Variants in FER1L5 observed in about 807,000 individuals in gnomAD.
The protein encoded by FER1L5 is fer-1 like family member 5, also known as fer-1-like protein 5.
FER1L5 carries 187 observed loss-of-function variants against 279.9 expected under a neutral mutation model. The ratio of observed to expected loss-of-function variants is 0.67; its 90% confidence interval spans 0.59 to 0.75. FER1L5 has a LOEUF of 0.75. Among genes scored for constraint, FER1L5 ranks in the 30% least tolerant of loss-of-function variants. The pLI is 0.00. For synonymous variants in FER1L5, 921 were observed against 989.7 expected (o/e 0.93, Z 1.30); for missense variants, 2,091 against 2,594.4 (o/e 0.81, Z 4.21).
intron 12 of FER1L5, 156 bp downstream of exon 12, chr2:96,661,947 G>A (rs900883897): frequency 1.7e-6 from 2 of 1,164,962 alleles, no homozygotes; most frequent in Non-Finnish European, 2.4e-6. Context: ...GACTTGTCCT[G>A]TGGAGGTGCC....
chr2:96,683,982 C>T (rs1206556598), intron 19 of FER1L5, among the ~76,000 whole-genome samples: 1 of 152,204 alleles, frequency 6.6e-6, no homozygotes, highest in African/African-American at 2.4e-5. Flanking sequence ...TGGCATCTCG[C>T]TTGAGGTTCA....
rs1261442970 is a variant in FER1L5, at chr2:96,693,514, A to G, written c.3301A>G (p.Ile1101Val). ...NQILTFQGPF[I>V]RVVFLNHSQC... ...CTCCTCTACCCCTCCAGGGCCCTTC[A>G]TTCGGGTGGTCTTCCTGAACCACAG... Residue 1101 changes from isoleucine to valine, a missense_variant, in exon 32 of 53, where the codon ATT becomes GTT. Ile to Val is a conservative substitution (Grantham distance 29). Coordinates refer to ENST00000624922, the MANE Select transcript of FER1L5 (RefSeq NM_001293083.2). 5 of 1,550,390 alleles carry G rather than the reference A, an allele frequency of 3.2e-6. No individual in the cohort carries two copies. The African/African-American group carries it at 4.1e-5, about 13-fold the overall frequency.
In FER1L5 at chr2:96,687,932, G is replaced by A. The variant is rs970224336; in HGVS notation, c.2346G>A (p.Ala782=). The stretch of plus-strand genomic sequence containing the variant: ...AGCTGCTCCGCCAGGGTGACACAGC[G>A]GTGTACGCCGAGATGGTGAGTGGTG... ...DLQLLRQGDT[A]VYAEMYENQA... is the part of the protein sequence containing the mutation. The change falls in exon 24 of 53, where the codon GCG becomes GCA. Residue 782 remains alanine (A), a synonymous_variant. Transcript: ENST00000624922. The A allele has an allele frequency of 9.7e-6, 15 of 1,550,940 alleles. No homozygotes were observed. Among genetic ancestry groups the A allele is most frequent in the East Asian group, 7.3e-5 (3 of 40,922 alleles).
At chr2:96,648,455 T>C (rs913689309) in intron 4 of FER1L5, among the ~76,000 whole-genome samples, 4 of 152,236 alleles carry the variant, frequency 2.6e-5, no homozygotes, top group African/African-American at 4.8e-5. Context: ...AGGCTGCAGA[T>C]GTGCCCTGAT....
At position 96,693,958 on chromosome 2, in the gene FER1L5, G is replaced by T. The variant is rs564182745; in HGVS notation, c.3522G>T (p.Trp1174Cys). ...GGAGCGTGTGGCCCCCAATGGTCTG[G>T]CTGGATCTCCAGGACCGGATCCTGC... ...WGRSVWPPMVWLDLQDRILPP... is the reference protein window; with the variant it reads ...WGRSVWPPMVCLDLQDRILPP... Residue 1174 changes from tryptophan to cysteine, a missense_variant, in exon 33 of 53, where the codon TGG (tryptophan) becomes TGT (cysteine). By Grantham distance (215) the Trp-to-Cys change is radical. Transcript: ENST00000624922. 3.1e-5 allele frequency: 48 copies of T among 1,551,622 alleles called. No homozygotes were observed. In the African/African-American group the frequency reaches 4.5e-4, roughly 15 times the overall value.
At chr2:96,690,871 G>A (rs777747396) in intron 27 of FER1L5, among the ~76,000 whole-genome samples, 1 of 152,244 alleles carries the variant, frequency 6.6e-6, no homozygotes, top group Non-Finnish European at 1.5e-5. Flanking sequence ...ACCCACAGCA[G>A]CTCCAGGGCA....
At chr2:96,687,079 G>A (rs1006641348) in intron 23 of FER1L5, among the ~76,000 whole-genome samples, 1 of 152,044 alleles carries the variant, frequency 6.6e-6, no homozygotes, top group Non-Finnish European at 1.5e-5. Context: ...GGCTGTGACA[G>A]TGGCCTCCCT....
intron 32 of FER1L5, 41 bp downstream of exon 32, chr2:96,693,728 T>C: frequency 6.5e-7 from 1 of 1,533,352 alleles, no homozygotes. Flanking sequence ...AGGACCTACC[T>C]CACAGAGTGG....
intron 26 of FER1L5, 118 bp from the exon 27 acceptor site, chr2:96,690,369 C>A: frequency 1.2e-6 from 1 of 851,028 alleles, no homozygotes. Context: ...ACAGTCTGGC[C>A]TGGAGTGGGA....
At chr2:96,703,714 A>G in intron 51 of FER1L5, 82 bp downstream of exon 51, 1 of 1,231,292 alleles carries the variant, frequency 8.1e-7, no homozygotes, top group South Asian at 1.3e-5. Flanking sequence ...CCTATCATGG[A>G]GAGGTGGTAA....
At chr2:96,657,619 T>G (rs1380082949) in intron 9 of FER1L5, among the ~76,000 whole-genome samples, 1 of 152,174 alleles carries the variant, frequency 6.6e-6, no homozygotes, top group African/African-American at 2.4e-5. Flanking sequence ...CTGATCTGCT[T>G]TCTGTTATTA....
At chr2:96,652,255 A>G in intron 7 of FER1L5, 2 of 552,940 alleles carry the variant, frequency 3.6e-6, no homozygotes, top group Non-Finnish European at 6.4e-6. Flanking sequence ...GTAAACAATT[A>G]CAACAGAGCA....
Position 96,698,825 on chromosome 2 carries a change from A to G in FER1L5, c.4511A>G (p.Asn1504Ser). The stretch of plus-strand genomic sequence containing the variant: ...ATCAACCTGCAGCCCCAGGACTACA[A>G]TGGCCTGGTAAAGAACAGTACCTGC... ...RAINLQPQDY[N>S]GLCDPYVILK... The change falls in exon 41 of 53, where the codon AAT becomes AGT. Residue 1504 changes from asparagine (N) to serine (S), a missense_variant. Coordinates refer to ENST00000624922, the MANE Select transcript of FER1L5 (RefSeq NM_001293083.2). The surrounding 1 kb of genome is among the most constrained non-coding windows in gnomAD (Gnocchi z 5.5). The G allele has an allele frequency of 6.4e-7, 1 of 1,561,082 alleles. No homozygotes were observed. Among genetic ancestry groups the G allele is most frequent in the Admixed American group, 1.9e-5 (1 of 52,310 alleles).
At chr2:96,699,824 G>A in intron 43 of FER1L5, 104 bp downstream of exon 43, 1 of 1,578,112 alleles carries the variant, frequency 6.3e-7, no homozygotes, top group Non-Finnish European at 8.6e-7. Context: ...CCAGGGCCCA[G>A]ACCTGCCCAG....
Position 96,703,549 on chromosome 2 carries a change from T to G in FER1L5, c.5718T>G (p.Ile1906Met), listed in dbSNP as rs755221990. ...LSGKVKMSLE[I>M]LSEKEALIKP... ...GCAAGGTGAAGATGAGCCTGGAGAT[T>G]CTGTCAGAGAAGGAAGCCTTAATCA... is the stretch of plus-strand genomic sequence containing the variant. The change falls in exon 51 of 53, where the codon ATT becomes ATG. Residue 1906 changes from isoleucine (I) to methionine (M), a missense_variant. Coordinates refer to ENST00000624922, the MANE Select transcript of FER1L5 (RefSeq NM_001293083.2). 12 of 1,613,904 alleles carry G rather than the reference T, an allele frequency of 7.4e-6. No homozygotes were observed. Among genetic ancestry groups the G allele is most frequent in the Non-Finnish European group, 1.0e-5 (12 of 1,179,860 alleles).
intron 9 of FER1L5, among the ~76,000 whole-genome samples, chr2:96,659,290 T>TTGCCTTCCTTCCTTCCTTCCTTCC (rs1553449027): frequency 4.9e-5 from 4 of 80,942 alleles, no homozygotes; most frequent in Admixed American, 1.1e-4. Flanking sequence ...TTTATCAAGC[T>TTGCCTTCCTTCCTTCCTTCCTTCC]TTCCTTCCTT....
At chr2:96,650,146 G>A in intron 5 of FER1L5, 34 bp from the exon 6 acceptor site, 2 of 1,508,794 alleles carry the variant, frequency 1.3e-6, no homozygotes, top group Non-Finnish European at 1.8e-6. Flanking sequence ...TGGGCCCCAG[G>A]CCTCTGACCC....
chr2:96,664,932 A>G (rs2076077044), intron 14 of FER1L5, among the ~76,000 whole-genome samples: 1 of 152,222 alleles, frequency 6.6e-6, no homozygotes, highest in Non-Finnish European at 1.5e-5. Context: ...GAACATAGTT[A>G]TTATCCTGGG....
chr2:96,661,225 A>T, intron 10 of FER1L5, 100 bp from the exon 11 acceptor site: 3 of 743,868 alleles, frequency 4.0e-6, no homozygotes, highest in Non-Finnish European at 6.5e-6. Flanking sequence ...GATGCCTGAG[A>T]CCTATTTCCA....
Sources: gnomAD v4.1 joint callset for allele counts (sites outside exome capture counted in the v4.1 genomes callset) on GRCh38, gnomAD v4.1.1 for gene constraint, Gnocchi (gnomAD v3.1) non-coding constraint, MANE v1.5 for transcripts, NCBI Gene and HGNC (gene_info 2026-07-23, HGNC 2026-07-21) for gene names.